The following NHS variants were observed in gnomAD, a reference collection of about 807,000 sequenced individuals.
The protein encoded by NHS is NHS actin remodeling regulator.
A neutral mutation model predicts 72.5 loss-of-function variants in NHS; 5 were observed. The observed-to-expected ratio is 0.07, with a 90% confidence interval of 0.04 to 0.14. NHS has a LOEUF of 0.14. NHS is among the 10% of genes least tolerant of loss of function. The pLI is 1.00. For missense variants in NHS, 1,072 were observed against 1,355.7 expected (o/e 0.79, Z 3.29); for synonymous variants, 464 against 547.7 (o/e 0.85, Z 2.13).
At chrX:17,692,938 AC>A (rs2066206300) in intron 3 of NHS, among the ~76,000 whole-genome samples, 1 of 111,483 alleles carries the variant, frequency 9.0e-6, no homozygotes, top group Non-Finnish European at 1.9e-5. Context: ...AGAAATGTTA[AC>A]CACAGCTGCC....
chrX:17,728,710 A>G lies in NHS; in HGVS notation c.4284A>G (p.Ala1428=). Residue 1428 remains alanine, a synonymous_variant, in exon 8 of 9, where the codon GCA becomes GCG. Transcript: ENST00000676302. ...SPLSEDSQAE[A]EGVFVSPNKP... The stretch of plus-strand genomic sequence containing the variant: ...TTAGTGAAGACTCCCAAGCTGAAGC[A>G]GAGGGTGTGTTCGTGTCTCCAAACA... 1 of 1,210,974 alleles carries G rather than the reference A, an allele frequency of 8.3e-7. No homozygotes were observed. Among genetic ancestry groups the G allele is most frequent in the South Asian group, 1.8e-5 (1 of 56,957 alleles).
intron 1 of NHS, among the ~76,000 whole-genome samples, chrX:17,413,054 A>C (rs1419348317): frequency 1.8e-5 from 2 of 112,476 alleles, no homozygotes; most frequent in Non-Finnish European, 3.8e-5. Context: ...AGCCTAATTG[A>C]AAAACGATTT....
chrX:17,425,916 A>C (rs1425210288), intron 1 of NHS: 1 of 112,842 alleles, frequency 8.9e-6, no homozygotes. Flanking sequence ...TGGATATGGG[A>C]ACTGTGATGT....
At chrX:17,682,245 A>G (rs1308351025) in intron 1 of NHS, among the ~76,000 whole-genome samples, 1 of 111,898 alleles carries the variant, frequency 8.9e-6, no homozygotes, top group Non-Finnish European at 1.9e-5. Context: ...ACCTTAGGGA[A>G]ATTTCCCATT....
chrX:17,449,171 C>T (rs1008537640), intron 1 of NHS, among the ~76,000 whole-genome samples: 3 of 113,294 alleles, frequency 2.6e-5, no homozygotes, highest in African/African-American at 9.6e-5. Context: ...GCAAGACCTC[C>T]CCCATCTTGC....
intron 1 of NHS, among the ~76,000 whole-genome samples, chrX:17,458,260 C>G (rs1601715311): frequency 8.9e-6 from 1 of 111,744 alleles, no homozygotes; most frequent in South Asian, 3.8e-4. Context: ...CAGTGTCTTG[C>G]TCTGTGTCCC....
At chrX:17,392,606 G>C (rs928172934) in intron 1 of NHS, among the ~76,000 whole-genome samples, 2 of 112,174 alleles carry the variant, frequency 1.8e-5, no homozygotes, top group African/African-American at 6.5e-5. Context: ...TGTTAGCAGA[G>C]TTCCAGTTTC....
intron 8 of NHS, 132 bp from the exon 9 acceptor site, chrX:17,731,726 G>A: frequency 1.2e-6 from 1 of 820,880 alleles, no homozygotes. Flanking sequence ...TAGCCCTAAT[G>A]CTTAGTATCC....
chrX:17,718,504 AAGG>A (rs1391080759), intron 3 of NHS, among the ~76,000 whole-genome samples: 6 of 94,682 alleles, frequency 6.3e-5, no homozygotes, highest in Non-Finnish European at 1.3e-4. Context: ...GGGAAGGAAA[AAGG>A]AAGAAGGGAA....
chrX:17,591,447 T>A (rs775456984), intron 1 of NHS, among the ~76,000 whole-genome samples: 3 of 111,916 alleles, frequency 2.7e-5, no homozygotes, highest in Non-Finnish European at 3.8e-5. Flanking sequence ...AGATTACATT[T>A]TAAGCCCTTA....
intron 1 of NHS, among the ~76,000 whole-genome samples, chrX:17,394,625 T>TA (rs1225181348): frequency 1.2e-4 from 13 of 111,665 alleles, no homozygotes; most frequent in Non-Finnish European, 2.3e-4. Context: ...GAGGACCTGG[T>TA]AACTCTTGTT....
At chrX:17,410,809 A>C (rs2064554149) in intron 1 of NHS, among the ~76,000 whole-genome samples, 1 of 111,464 alleles carries the variant, frequency 9.0e-6, no homozygotes, top group African/African-American at 3.3e-5. Context: ...AAAGGCAAAA[A>C]TCCTATTATT....
chrX:17,471,934 A>G (rs987385376), intron 1 of NHS, among the ~76,000 whole-genome samples: 2 of 111,677 alleles, frequency 1.8e-5, no homozygotes, highest in African/African-American at 6.5e-5. Flanking sequence ...TGGGAGCTCC[A>G]TATCTAGTTA....
intron 1 of NHS, among the ~76,000 whole-genome samples, chrX:17,429,272 G>A (rs1002984570): frequency 8.3e-5 from 9 of 108,843 alleles, no homozygotes; most frequent in African/African-American, 2.8e-4. Flanking sequence ...ACGTGCGCGC[G>A]CGCTATACAG....
chrX:17,662,285 A>T (rs1041054669), intron 1 of NHS, among the ~76,000 whole-genome samples: 4 of 111,905 alleles, frequency 3.6e-5, no homozygotes, highest in African/African-American at 9.8e-5. Context: ...AGTTAAGCAA[A>T]CATAATGTAC....
At chrX:17,637,434 C>T (rs1369356196) in intron 1 of NHS, among the ~76,000 whole-genome samples, 2 of 111,080 alleles carry the variant, frequency 1.8e-5, no homozygotes, top group Admixed American at 9.6e-5. Flanking sequence ...ACAGAGGGCT[C>T]AACTTTTTTG....
intron 1 of NHS, among the ~76,000 whole-genome samples, chrX:17,385,662 C>T (rs762539160): frequency 1.1e-4 from 12 of 112,000 alleles, no homozygotes; most frequent in South Asian, 3.7e-4. Context: ...CCTGCACAAA[C>T]GTGCTCAAAG....
intron 1 of NHS, among the ~76,000 whole-genome samples, chrX:17,566,260 G>A (rs2065443047): frequency 9.0e-6 from 1 of 111,001 alleles, no homozygotes; most frequent in South Asian, 3.8e-4. Context: ...TGGGATTACG[G>A]GCATGAGCCA....
intron 1 of NHS, among the ~76,000 whole-genome samples, chrX:17,685,763 G>A (rs942340347): frequency 2.2e-4 from 25 of 111,855 alleles, no homozygotes; most frequent in African/African-American, 7.5e-4. Context: ...CCTTTTTGGC[G>A]TTCAAGGCCT....
Sources: allele counts gnomAD v4.1 joint callset (sites outside exome capture counted in the v4.1 genomes callset), GRCh38; gene constraint gnomAD v4.1.1; transcripts MANE v1.5; gene names NCBI Gene and HGNC (gene_info 2026-07-23, HGNC 2026-07-21).